SCPEP1: variants seen among roughly 807,000 people sequenced by gnomAD.
The protein encoded by SCPEP1 is retinoid-inducible serine carboxypeptidase.
SCPEP1 carries 51 observed loss-of-function variants against 63.8 expected under a neutral mutation model. The ratio of observed to expected loss-of-function variants is 0.80; its 90% CI spans 0.64 to 1.01. SCPEP1 has a LOEUF of 1.01. SCPEP1 is among the 50% of genes least tolerant of loss of function. SCPEP1 has a pLI of 0.00. For synonymous variants in SCPEP1, 204 were observed against 207.8 expected (o/e 0.98, Z 0.16); for missense variants, 499 against 554.9 (o/e 0.90, Z 1.01).
rs1911909660 is a variant in SCPEP1 at position 57,006,753 on chromosome 17, TCTC to T, written c.*519_*521del. ...ACCTTTTCATGTCAATAAATGTTCT[TCTC>T]TAACATTTTTAATGGCTGTGGAGCA... On this transcript the variant is annotated 3_prime_UTR_variant, in exon 13 of 13. Transcript: ENST00000262288. 6.6e-6 allele frequency: 1 copy of T among 152,236 alleles called. No individual in the cohort carries two copies. Among genetic ancestry groups the T allele is most frequent in the Non-Finnish European group, 1.5e-5 (1 of 68,044 alleles). 9.4% of individuals were successfully genotyped at this position (152,236 alleles called of 1,614,324 possible). A position where few individuals can be genotyped will look rare whatever the true frequency, so the allele number is the denominator to read the frequency against.
intron 3 of SCPEP1, 144 bp downstream of exon 3, chr17:56,985,611 G>T (rs929410687): frequency 4.6e-6 from 3 of 652,984 alleles, no homozygotes; most frequent in African/African-American, 3.7e-5. Flanking sequence ...GCACTTGTCC[G>T]CAGGCTTCCT....
At chr17:56,996,918 A>G (rs1911582587) in intron 8 of SCPEP1, 44 bp from the exon 9 acceptor site, 3 of 1,375,344 alleles carry the variant, frequency 2.2e-6, no homozygotes, top group East Asian at 2.3e-5. Flanking sequence ...AGCTTTGATG[A>G]TAGGAAAATG....
intron 3 of SCPEP1, among the ~76,000 whole-genome samples, chr17:56,986,668 C>G (rs1445465160): frequency 6.6e-6 from 1 of 152,176 alleles, no homozygotes; most frequent in African/African-American, 2.4e-5. Flanking sequence ...GCCTCAGCCT[C>G]CTGAGTAGCT....
chr17:56,986,747 A>G (rs1005583678), intron 3 of SCPEP1, among the ~76,000 whole-genome samples: 1 of 151,074 alleles, frequency 6.6e-6, no homozygotes, highest in Non-Finnish European at 1.5e-5. Context: ...GGATTTCACC[A>G]TGTTAGCCAG....
chr17:56,988,971 G>A (rs1217709844), intron 5 of SCPEP1, among the ~76,000 whole-genome samples: 1 of 152,052 alleles, frequency 6.6e-6, no homozygotes, highest in Non-Finnish European at 1.5e-5. Context: ...AGGACTGCTT[G>A]TGACCAGGAG....
rs147078460 is a variant in SCPEP1 at position 56,995,616 on chromosome 17, C to T, written c.767C>T (p.Ala256Val). The T allele has an allele frequency of 1.2e-5, 20 of 1,613,768 alleles. No homozygotes were observed. Among genetic ancestry groups the T allele is most frequent in the Non-Finnish European group, 1.5e-5 (18 of 1,179,904 alleles). ...YREATELWGK[A>V]EMIIEQNTDG... ...GAGGCCACAGAGCTGTGGGGGAAAGCAGAAATGATCATTGAACAGGTAAAA... is the reference window on the plus strand; with the variant it reads ...GAGGCCACAGAGCTGTGGGGGAAAGTAGAAATGATCATTGAACAGGTAAAA... Residue 256 changes from alanine (A) to valine (V), a missense_variant, in exon 8 of 13, where the codon GCA becomes GTA. Transcript: ENST00000262288.
chr17:56,990,371 C>G (rs1239479709), intron 5 of SCPEP1, among the ~76,000 whole-genome samples: 3 of 152,030 alleles, frequency 2.0e-5, no homozygotes, highest in Admixed American at 6.6e-5. Flanking sequence ...ATTTAAAAAA[C>G]TTATAGAAAC....
Position 57,006,156 on chromosome 17 carries a change from A to G in SCPEP1, c.1297-17A>G, listed in dbSNP as rs1911884783. 11 of 1,603,660 alleles carry G rather than the reference A, an allele frequency of 6.9e-6. No individual in the cohort carries two copies. The highest frequency in any genetic ancestry group is 9.4e-6 in the Non-Finnish European group (11 of 1,174,024). ...AATAGCACCAGGAGCACTAACTCAG[A>G]TGTTGTTTTTTTCTAGGTTCCTTCT... On this transcript the variant is annotated splice_polypyrimidine_tract_variant and intron_variant, in intron 12 of 12. Coordinates refer to ENST00000262288, the MANE Select transcript of SCPEP1 (RefSeq NM_021626.3).
At chr17:56,984,519 C>T (rs1399353346) in intron 2 of SCPEP1, 2 of 152,384 alleles carry the variant, frequency 1.3e-5, no homozygotes, top group Non-Finnish European at 2.9e-5. Flanking sequence ...CTGCCCCCAA[C>T]ACCGAGCTGT....
At position 56,995,542 on chromosome 17, in the gene SCPEP1, T is replaced by G; in HGVS notation, c.693T>G (p.Ser231=). The part of the protein sequence containing the change: ...LLEDKGLAEV[S]KVAEQVLNAV... ...AAGACAAAGGTCTGGCAGAGGTGTCTAAGGTTGCAGAGCAAGTACTGAATG... is the reference window on the plus strand; with the variant it reads ...AAGACAAAGGTCTGGCAGAGGTGTCGAAGGTTGCAGAGCAAGTACTGAATG... Residue 231 remains serine (S), a synonymous_variant, in exon 8 of 13, where the codon TCT becomes TCG. Coordinates refer to ENST00000262288, the MANE Select transcript of SCPEP1 (RefSeq NM_021626.3). 1 of 1,613,970 alleles carries G rather than the reference T, an allele frequency of 6.2e-7. No individual in the cohort carries two copies. The highest frequency in any genetic ancestry group is 8.5e-7 in the Non-Finnish European group (1 of 1,179,946).
chr17:57,001,042 T>G (rs765232303), intron 11 of SCPEP1, 50 bp downstream of exon 11: 1 of 1,602,306 alleles, frequency 6.2e-7, no homozygotes, highest in Non-Finnish European at 8.6e-7. Context: ...TGGGTTCAAC[T>G]GGAAGGGAAC....
At chr17:56,981,687 T>G (rs985148979) in intron 2 of SCPEP1, among the ~76,000 whole-genome samples, 1 of 152,112 alleles carries the variant, frequency 6.6e-6, no homozygotes, top group East Asian at 1.9e-4. Context: ...CCAGGCATGG[T>G]AGCACATACC....
In SCPEP1 at chr17:57,006,671, T is replaced by G. The variant is rs1911906990; in HGVS notation, c.*436T>G. 1.3e-5 allele frequency: 2 copies of G among 152,282 alleles called. No individual in the cohort carries two copies. The highest frequency in any genetic ancestry group is 2.9e-5 in the Non-Finnish European group (2 of 68,132). 9.4% of individuals were successfully genotyped at this position (152,282 alleles called of 1,614,324 possible). A position where few individuals can be genotyped will look rare whatever the true frequency, so the allele number is the denominator to read the frequency against. On this transcript the variant is annotated 3_prime_UTR_variant, in exon 13 of 13. Coordinates refer to ENST00000262288, the MANE Select transcript of SCPEP1 (RefSeq NM_021626.3). Reference sequence around the variant, plus strand: ...TATACATATATATTTTTTACCAAAATGAATCATTACTCTATGTTGTTTTAC... The same window carrying G: ...TATACATATATATTTTTTACCAAAAGGAATCATTACTCTATGTTGTTTTAC...
chr17:56,996,504 C>A (rs1911565728), intron 8 of SCPEP1, among the ~76,000 whole-genome samples: 1 of 151,274 alleles, frequency 6.6e-6, no homozygotes, highest in Admixed American at 6.6e-5. Context: ...CGCGCCTGGC[C>A]TCTTTTTCCT....
chr17:56,995,728 C>T, intron 8 of SCPEP1, 93 bp downstream of exon 8: 1 of 1,332,690 alleles, frequency 7.5e-7, no homozygotes, highest in South Asian at 1.5e-5. Context: ...GGAGTCTACA[C>T]TGAGGCTCCC....
At chr17:57,004,772 G>A (rs897602818) in intron 12 of SCPEP1, among the ~76,000 whole-genome samples, 5 of 152,196 alleles carry the variant, frequency 3.3e-5, no homozygotes, top group Admixed American at 1.3e-4. Flanking sequence ...AGCAAAGGGT[G>A]GCTATTTCAG....
chr17:56,978,970 G>A (rs1256987987), intron 1 of SCPEP1, among the ~76,000 whole-genome samples: 1 of 152,214 alleles, frequency 6.6e-6, no homozygotes, highest in Non-Finnish European at 1.5e-5. Context: ...CAAGGGAGAA[G>A]TGCCTGGGGT....
At chr17:56,993,026 T>G (rs1270295059) in intron 6 of SCPEP1, among the ~76,000 whole-genome samples, 4 of 152,170 alleles carry the variant, frequency 2.6e-5, no homozygotes, top group Non-Finnish European at 5.9e-5. Context: ...GGAGAAGTAT[T>G]GTTAATTTCC....
intron 12 of SCPEP1, among the ~76,000 whole-genome samples, chr17:57,004,062 G>C (rs533320428): frequency 1.3e-5 from 2 of 152,312 alleles, no homozygotes; most frequent in East Asian, 3.9e-4. Context: ...AGCTGGGCAT[G>C]ATGGTGGGCA....
Sources: gnomAD v4.1 joint callset for allele counts (sites outside exome capture counted in the v4.1 genomes callset) on GRCh38, gnomAD v4.1.1 for gene constraint, MANE v1.5 for transcripts, NCBI Gene and HGNC (gene_info 2026-07-23, HGNC 2026-07-21) for gene names.